RGS5: variants seen among roughly 807,000 people sequenced by gnomAD.
The protein encoded by RGS5 is regulator of G protein signaling 5, also known as regulator of G-protein signalling 5.
A neutral mutation model predicts 18.9 loss-of-function variants in RGS5; 20 were observed. The ratio of observed to expected loss-of-function variants is 1.06; its 90% CI spans 0.74 to 1.54. RGS5 has a LOEUF of 1.54. Ranked by LOEUF, RGS5 falls within the 40% of genes most tolerant of loss-of-function variation. RGS5 has a pLI of 0.00. For synonymous variants in RGS5, 57 were observed against 76.2 expected (o/e 0.75, Z 1.31); for missense variants, 201 against 211.8 (o/e 0.95, Z 0.32).
At chr1:163,315,374 T>C (rs1649992981) in intron 1 of RGS5, among the ~76,000 whole-genome samples, 1 of 152,120 alleles carries the variant, frequency 6.6e-6, no homozygotes, top group African/African-American at 2.4e-5. Flanking sequence ...CTGGCCAACA[T>C]AGTGAGACCC....
intron 2 of RGS5, chr1:163,162,768 C>T (rs1271532743): frequency 5.3e-5 from 8 of 152,100 alleles, no homozygotes; most frequent in Non-Finnish European, 1.2e-4. Flanking sequence ...ATCTCAACCA[C>T]CAATTTTTCT....
intron 2 of RGS5, among the ~76,000 whole-genome samples, chr1:163,232,109 G>T (rs1361989058): frequency 6.6e-6 from 1 of 151,984 alleles, no homozygotes; most frequent in Non-Finnish European, 1.5e-5. Context: ...GAAATGCAAA[G>T]ATGGCGGGGG....
chr1:163,246,353 G>A (rs563683682), intron 2 of RGS5, among the ~76,000 whole-genome samples: 12 of 151,728 alleles, frequency 7.9e-5, no homozygotes, highest in African/African-American at 2.7e-4. Flanking sequence ...GGCGGATCAC[G>A]AGGTCAGGAG....
chr1:163,226,478 A>C (rs963030738), intron 2 of RGS5, among the ~76,000 whole-genome samples: 6 of 152,292 alleles, frequency 3.9e-5, no homozygotes, highest in East Asian at 3.9e-4. Context: ...AGCACTGCTC[A>C]ACTGATGCTA....
intron 2 of RGS5, among the ~76,000 whole-genome samples, chr1:163,254,739 T>A (rs1030541615): frequency 2.6e-5 from 4 of 152,134 alleles, no homozygotes; most frequent in African/African-American, 9.7e-5. Flanking sequence ...ATGTCCTGAA[T>A]GGTAATGCCT....
intron 1 of RGS5, among the ~76,000 whole-genome samples, chr1:163,307,222 C>T (rs1258824369): frequency 6.6e-6 from 1 of 152,146 alleles, no homozygotes; most frequent in African/African-American, 2.4e-5. Context: ...CCACATCCCT[C>T]TTCTAAGTCA....
At chr1:163,239,743 T>C (rs1419351692) in intron 2 of RGS5, among the ~76,000 whole-genome samples, 1 of 152,260 alleles carries the variant, frequency 6.6e-6, no homozygotes, top group Non-Finnish European at 1.5e-5. Context: ...ATCTGATTTA[T>C]ATTGCTGAAA....
Position 163,225,973 on chromosome 1 carries a change from T to G in RGS5, c.-280-57605A>C, listed in dbSNP as rs549072835. ...TTGGCTCTTGTTGCCCAGGGTGGAG[T>G]GCAATGGCGCAATCTCGGCTCACTG... On this transcript the variant is annotated intron_variant, in intron 2 of 5. Transcript: ENST00000618415. Among the ~76,000 whole-genome samples, 7 of 151,296 alleles carry G rather than the reference T, an allele frequency of 4.6e-5. No individual in the cohort carries two copies. The South Asian group carries it at 8.4e-4, about 18-fold the overall frequency.
chr1:163,276,528 C>G (rs1648860974), intron 2 of RGS5, among the ~76,000 whole-genome samples: 1 of 152,118 alleles, frequency 6.6e-6, no homozygotes, highest in South Asian at 2.1e-4. Context: ...AGTAGATCAA[C>G]AAATAGAAGT....
At chr1:163,165,479 T>C (rs1657999165) in intron 2 of RGS5, among the ~76,000 whole-genome samples, 1 of 152,240 alleles carries the variant, frequency 6.6e-6, no homozygotes, top group South Asian at 2.1e-4. Context: ...TTGTCTATTG[T>C]TTCTCAGGAG....
intron 2 of RGS5, among the ~76,000 whole-genome samples, chr1:163,254,864 A>G (rs1648225797): frequency 5.3e-5 from 8 of 151,318 alleles, no homozygotes; most frequent in Admixed American, 5.3e-4. Context: ...CTTTCTACAT[A>G]TGGCTAGCCA....
intron 1 of RGS5, among the ~76,000 whole-genome samples, chr1:163,216,425 C>G (rs866872640): frequency 2.0e-5 from 3 of 152,230 alleles, no homozygotes; most frequent in Middle Eastern, 3.4e-3. Flanking sequence ...GGGCTCCAGC[C>G]TTCACAGATT....
chr1:163,168,600 CATT>C (rs1320220695), intron 1 of RGS5, among the ~76,000 whole-genome samples: 2 of 152,158 alleles, frequency 1.3e-5, no homozygotes, highest in African/African-American at 4.8e-5. Context: ...TTTTAATCCT[CATT>C]ATTGTTTTAT....
intron 4 of RGS5, 148 bp downstream of exon 4, chr1:163,152,402 C>G: frequency 1.3e-6 from 1 of 766,336 alleles, no homozygotes; most frequent in Non-Finnish European, 2.1e-6. Flanking sequence ...GTTGCTCTGC[C>G]TTTGTACTCA....
chr1:163,305,741 A>G (rs1287789027), intron 2 of RGS5, among the ~76,000 whole-genome samples: 1 of 152,210 alleles, frequency 6.6e-6, no homozygotes, highest in East Asian at 1.9e-4. Flanking sequence ...GAAAGGAACA[A>G]GAAGAAAGAC....
intron 2 of RGS5, among the ~76,000 whole-genome samples, chr1:163,296,181 A>T (rs1210821252): frequency 1.3e-5 from 2 of 152,184 alleles, no homozygotes; most frequent in African/African-American, 4.8e-5. Context: ...TATTTTGTAA[A>T]CTATTCTTAC....
At chr1:163,238,625 T>G (rs527833948) in intron 2 of RGS5, 1 of 234,950 alleles carries the variant, frequency 4.3e-6, no homozygotes, top group East Asian at 1.1e-4. Context: ...TGCAAAACGC[T>G]TGGGTGGAAT....
intron 2 of RGS5, among the ~76,000 whole-genome samples, chr1:163,265,294 G>A (rs1237389634): frequency 6.6e-6 from 1 of 152,006 alleles, no homozygotes. Context: ...TTAACTTTGA[G>A]CCTACAATCT....
intron 1 of RGS5, among the ~76,000 whole-genome samples, chr1:163,175,302 C>G (rs1658498502): frequency 6.6e-6 from 1 of 152,060 alleles, no homozygotes; most frequent in Admixed American, 6.6e-5. Flanking sequence ...GGGAAGAGGG[C>G]CCAGAGGGTC....
Sources: allele counts gnomAD v4.1 joint callset (sites outside exome capture counted in the v4.1 genomes callset), GRCh38; gene constraint gnomAD v4.1.1; transcripts MANE v1.5; gene names NCBI Gene and HGNC (gene_info 2026-07-23, HGNC 2026-07-21).